The following SETBP1 variants were observed in gnomAD, a reference collection of about 807,000 sequenced individuals.
The protein encoded by SETBP1 is SET binding protein 1.
Under a neutral mutation model 101.0 loss-of-function variants are expected in SETBP1, and 9 were observed. The observed-to-expected ratio is 0.09, with a 90% CI of 0.05 to 0.16. The LOEUF is 0.16. Among genes scored for constraint, SETBP1 ranks in the 10% least tolerant of loss-of-function variants. The pLI is 1.00. For missense variants in SETBP1, 1,858 were observed against 2,033.8 expected (o/e 0.91, Z 1.66); for synonymous variants, 818 against 788.5 (o/e 1.04, Z -0.63).
intron 3 of SETBP1, among the ~76,000 whole-genome samples, chr18:44,898,214 T>G (rs745993239): frequency 6.6e-6 from 1 of 152,218 alleles, no homozygotes; most frequent in Non-Finnish European, 1.5e-5. Flanking sequence ...TACTTGATTC[T>G]ATATATTTAT....
chr18:44,745,749 G>T (rs183408659), intron 2 of SETBP1, among the ~76,000 whole-genome samples: 30 of 152,294 alleles, frequency 2.0e-4, no homozygotes, highest in African/African-American at 7.0e-4. Context: ...GGGCCATGGA[G>T]CCTTGGAAGT....
chr18:44,878,639 A>T (rs2069463072), intron 3 of SETBP1, among the ~76,000 whole-genome samples: 1 of 152,186 alleles, frequency 6.6e-6, no homozygotes. Context: ...TTATCAGGAT[A>T]GTTCCAAATC....
chr18:44,749,699 A>T (rs1381693217), intron 2 of SETBP1, among the ~76,000 whole-genome samples: 1 of 152,222 alleles, frequency 6.6e-6, no homozygotes, highest in Non-Finnish European at 1.5e-5. Context: ...CACCAAATCT[A>T]AGATATCATA....
chr18:44,992,961 T>G (rs537265890), intron 4 of SETBP1, among the ~76,000 whole-genome samples: 1 of 152,146 alleles, frequency 6.6e-6, no homozygotes, highest in East Asian at 1.9e-4. Context: ...GATGATACAT[T>G]TCAACTATGA....
chr18:44,875,821 A>T (rs1196242050), intron 3 of SETBP1, among the ~76,000 whole-genome samples: 1 of 152,236 alleles, frequency 6.6e-6, no homozygotes. Flanking sequence ...CACCAAGCCC[A>T]TATGTGCTAG....
chr18:44,839,312 G>T (rs2072565274), intron 2 of SETBP1, among the ~76,000 whole-genome samples: 1 of 152,140 alleles, frequency 6.6e-6, no homozygotes, highest in Non-Finnish European at 1.5e-5. Context: ...AGTCTAATCT[G>T]TTTCTCCACT....
At chr18:44,727,020 A>AT (rs1051542786) in intron 2 of SETBP1, among the ~76,000 whole-genome samples, 7 of 151,894 alleles carry the variant, frequency 4.6e-5, no homozygotes, top group Non-Finnish European at 7.4e-5. Flanking sequence ...ACAGCTTTTT[A>AT]TTTTTTTTAA....
chr18:44,783,308 G>A (rs2071172820), intron 2 of SETBP1, among the ~76,000 whole-genome samples: 1 of 152,170 alleles, frequency 6.6e-6, no homozygotes, highest in South Asian at 2.1e-4. Context: ...GCCACAGCTT[G>A]TTTTTAGCAG....
chr18:44,994,398 T>C (rs1292578592), intron 4 of SETBP1, among the ~76,000 whole-genome samples: 1 of 152,198 alleles, frequency 6.6e-6, no homozygotes, highest in African/African-American at 2.4e-5. Context: ...TAAAGAATTA[T>C]GGGATTAATG....
At chr18:44,981,633 G>A (rs1272206961) in intron 4 of SETBP1, among the ~76,000 whole-genome samples, 1 of 152,166 alleles carries the variant, frequency 6.6e-6, no homozygotes, top group African/African-American at 2.4e-5. Flanking sequence ...CCACATCTTT[G>A]CCCTGAGACT....
In SETBP1 at chr18:45,064,919, A is replaced by G. The variant is rs1465296892; in HGVS notation, c.*1221A>G. The G allele has an allele frequency of 6.6e-6, 1 of 152,226 alleles. No homozygotes were observed. Among genetic ancestry groups the G allele is most frequent in the East Asian group, 1.9e-4 (1 of 5,204 alleles). 9.4% of individuals were successfully genotyped at this position (152,226 alleles called of 1,614,324 possible). ...TGTTCTTATCTGGAAAAATAAATAA[A>G]TAAAATGCTCAAAGGGTATCACCAC... On this transcript the variant is annotated 3_prime_UTR_variant, in exon 6 of 6. Transcript: ENST00000649279.
intron 3 of SETBP1, among the ~76,000 whole-genome samples, chr18:44,899,053 C>T (rs2069974368): frequency 6.6e-6 from 1 of 152,080 alleles, no homozygotes; most frequent in Non-Finnish European, 1.5e-5. Flanking sequence ...AGTCTGGGGT[C>T]CTCCATGAAT....
At chr18:44,680,614 G>A (rs2068743112), upstream of SETBP1, among the ~76,000 whole-genome samples, 2 of 152,200 alleles carry the variant, frequency 1.3e-5, no homozygotes, top group Admixed American at 6.5e-5. Flanking sequence ...AGATGGGCGC[G>A]ATTCCGGCGG....
chr18:44,792,127 A>G (rs758777720), intron 2 of SETBP1, among the ~76,000 whole-genome samples: 6 of 152,188 alleles, frequency 3.9e-5, no homozygotes, highest in African/African-American at 7.2e-5. Flanking sequence ...TATATAATAT[A>G]ATAGATGTTT....
rs371175108 is a variant in SETBP1, at chr18:44,949,831, T to G, written c.541-50T>G. The G allele has an allele frequency of 7.7e-6, 11 of 1,437,120 alleles. No individual in the cohort carries two copies. The African/African-American group carries it at 1.4e-4, about 18-fold the overall frequency. The allele number at this position is 1,437,120 out of a possible 1,614,324, so 89.0% of individuals were successfully genotyped here. A position where few individuals can be genotyped will look rare whatever the true frequency, so the allele number is the denominator to read the frequency against. On this transcript the variant is annotated intron_variant, in intron 3 of 5. Coordinates refer to ENST00000649279, the MANE Select transcript of SETBP1 (RefSeq NM_015559.3). Reference sequence around the variant, plus strand: ...ATTAAGTAGCTTCAACATGCTCATCTTTGTTTCTCTCTCTCTGTCTCTCTC... The same window carrying G: ...ATTAAGTAGCTTCAACATGCTCATCGTTGTTTCTCTCTCTCTGTCTCTCTC...
chr18:45,048,828 C>T (rs1336091627), intron 5 of SETBP1, among the ~76,000 whole-genome samples: 1 of 150,158 alleles, frequency 6.7e-6, no homozygotes, highest in Non-Finnish European at 1.5e-5. Flanking sequence ...AAAAATTAGC[C>T]GGGCGCGGTG....
Position 44,804,116 on chromosome 18 carries a change from A to G in SETBP1, c.487-65114A>G, listed in dbSNP as rs367762730. On this transcript the variant is annotated intron_variant, in intron 2 of 5. Coordinates refer to ENST00000649279, the MANE Select transcript of SETBP1 (RefSeq NM_015559.3). Reference sequence around the variant, plus strand: ...CAAATACACATGATTTTGAAAAAAGAGAGGCACTTGAAACAAAGAAAGGAA... The same window carrying G: ...CAAATACACATGATTTTGAAAAAAGGGAGGCACTTGAAACAAAGAAAGGAA... 2.0e-5 allele frequency among the ~76,000 whole-genome samples: 3 copies of G among 152,294 alleles called. No individual in the cohort carries two copies. The South Asian group carries it at 6.2e-4, about 32-fold the overall frequency.
intron 2 of SETBP1, among the ~76,000 whole-genome samples, chr18:44,768,184 G>C (rs1357229152): frequency 4.6e-5 from 7 of 152,110 alleles, no homozygotes; most frequent in Non-Finnish European, 7.3e-5. Flanking sequence ...AGGTTTTGAT[G>C]CTTCAAAGTC....
intron 3 of SETBP1, among the ~76,000 whole-genome samples, chr18:44,925,281 A>G (rs2070681103): frequency 6.6e-6 from 1 of 152,034 alleles, no homozygotes; most frequent in South Asian, 2.1e-4. Context: ...ATTTCCCCGT[A>G]TAAATACAGG....
Sources: allele counts gnomAD v4.1 joint callset (sites outside exome capture counted in the v4.1 genomes callset), GRCh38; gene constraint gnomAD v4.1.1; transcripts MANE v1.5; gene names NCBI Gene and HGNC (gene_info 2026-07-23, HGNC 2026-07-21).